C10orf53: variants seen among roughly 807,000 people sequenced by gnomAD.
The protein encoded by C10orf53 is chromosome 10 open reading frame 53.
In C10orf53, 8 loss-of-function variants were observed where a neutral mutation model predicts 9.4. The observed-to-expected ratio is 0.85, with a 90% confidence interval of 0.50 to 1.53. The LOEUF is 1.53. C10orf53 is among the 40% of genes most tolerant of loss of function. C10orf53 has a pLI of 0.00. For synonymous variants in C10orf53, 48 were observed against 46.0 expected, an observed-to-expected ratio of 1.04 and a Z score of -0.18; for missense variants, 117 against 117.8, an observed-to-expected ratio of 0.99 and a Z score of 0.03.
intron 1 of C10orf53, among the ~76,000 whole-genome samples, chr10:49,692,312 G>A (rs985349463): frequency 6.6e-6 from 1 of 152,238 alleles, no homozygotes; most frequent in African/African-American, 2.4e-5. Context: ...TACCCAGGGA[G>A]TGCTGTCTTG....
chr10:49,697,892 A>G (rs1354035563), downstream of C10orf53, among the ~76,000 whole-genome samples: 1 of 152,112 alleles, frequency 6.6e-6, no homozygotes, highest in Non-Finnish European at 1.5e-5. Flanking sequence ...AACTTTTTCC[A>G]TTTACTTCTA....
chr10:49,704,220 A>G (rs913099244), intron 2 of C10orf53, among the ~76,000 whole-genome samples: 6 of 152,256 alleles, frequency 3.9e-5, no homozygotes, highest in Non-Finnish European at 7.3e-5. Flanking sequence ...GTTTTTAAAA[A>G]CAAAGCAAAT....
At chr10:49,709,833 A>G (rs1434523046) in exon 3 of C10orf53, 1 of 152,346 alleles carries the variant, frequency 6.6e-6, no homozygotes, top group Non-Finnish European at 1.5e-5. Flanking sequence ...AGCAACTCCT[A>G]CCATAATCTT....
At chr10:49,692,265 C>T (rs1007927483) in intron 1 of C10orf53, among the ~76,000 whole-genome samples, 5 of 152,234 alleles carry the variant, frequency 3.3e-5, no homozygotes, top group Admixed American at 3.3e-4. Flanking sequence ...TTTAGAGACG[C>T]ATTAGCTGAC....
At chr10:49,687,997 G>C (rs1203121590) in intron 1 of C10orf53, among the ~76,000 whole-genome samples, 1 of 152,186 alleles carries the variant, frequency 6.6e-6, no homozygotes, top group Non-Finnish European at 1.5e-5. Context: ...CTGGAGTTTG[G>C]AAGAAAGATG....
rs372643300 is a variant in C10orf53, at chr10:49,696,982, C to T, written c.*2380C>T. ...CAAGGTGGGTGGATTTGTTTGAACA[C>T]AGGAGTTCGAGAGCAGCCTGGCCAA... On this transcript the variant is annotated 3_prime_UTR_variant, in exon 3 of 3. Coordinates refer to ENST00000374111, the MANE Select transcript of C10orf53 (RefSeq NM_001042427.3). Among the ~76,000 whole-genome samples the T allele has an allele frequency of 2.6e-5, 4 of 152,138 alleles. No individual in the cohort carries two copies. In the East Asian group the frequency reaches 7.7e-4, roughly 29 times the overall value.
chr10:49,694,789 G>T lies in C10orf53; in HGVS notation c.*187G>T. The T allele has an allele frequency of 7.2e-7, 1 of 1,398,586 alleles. No individual in the cohort carries two copies. The highest frequency in any genetic ancestry group is 9.3e-7 in the Non-Finnish European group (1 of 1,079,374). The allele number at this position is 1,398,586 out of a possible 1,614,324, so 86.6% of individuals were successfully genotyped here. The stretch of plus-strand genomic sequence containing the variant: ...TCACCTGGCTGCACAGGAGCCCACA[G>T]AAATAATAAAAACCACATCATTTAT... On this transcript the variant is annotated 3_prime_UTR_variant, in exon 3 of 3. Coordinates refer to ENST00000374111, the MANE Select transcript of C10orf53 (RefSeq NM_001042427.3).
At position 49,695,120 on chromosome 10, in the gene C10orf53, T is replaced by G. The variant is rs978137189; in HGVS notation, c.*518T>G. ...TCTGACTCCTGAGGGAATAAATATTTTAAATTGCTATTATAAAATTAGCCA... is the reference window on the plus strand; with the variant it reads ...TCTGACTCCTGAGGGAATAAATATTGTAAATTGCTATTATAAAATTAGCCA... On this transcript the variant is annotated 3_prime_UTR_variant, in exon 3 of 3. Transcript: ENST00000374111. 1.2e-5 allele frequency: 3 copies of G among 252,868 alleles called. No individual in the cohort carries two copies. The highest frequency in any genetic ancestry group is 1.9e-5 in the Non-Finnish European group (3 of 160,056). The allele number at this position is 252,868 out of a possible 1,614,324, so 15.7% of individuals were successfully genotyped here.
chr10:49,683,891 C>G (rs1316123503), intron 1 of C10orf53, among the ~76,000 whole-genome samples: 2 of 152,066 alleles, frequency 1.3e-5, no homozygotes, highest in Non-Finnish European at 2.9e-5. Context: ...GCAAAAGACT[C>G]TGTCTAAAAA....
intron 1 of C10orf53, among the ~76,000 whole-genome samples, chr10:49,682,525 A>C (rs1840488734): frequency 6.7e-6 from 1 of 149,850 alleles, no homozygotes; most frequent in South Asian, 2.1e-4. Flanking sequence ...AAATCTCCCA[A>C]AGCGTGGAGG....
chr10:49,708,436 G>A (rs753618197), exon 3 of C10orf53: 5 of 1,614,144 alleles, frequency 3.1e-6, no homozygotes, highest in Admixed American at 1.7e-5. Flanking sequence ...AGCAGCCCGT[G>A]TAGGATGAAA....
rs1249404101 is a variant in C10orf53 at position 49,696,921 on chromosome 10, A to G, written c.*2319A>G. Among the ~76,000 whole-genome samples, 1 of 152,216 alleles carries G rather than the reference A, an allele frequency of 6.6e-6. No individual in the cohort carries two copies. The highest frequency in any genetic ancestry group is 2.4e-5 in the African/African-American group (1 of 41,458). ...AAACTTAAAATCAGGGCCGGGCACTATGGCTTTTGCCTGTAATCCCAGCAC... is the reference window on the plus strand; with the variant it reads ...AAACTTAAAATCAGGGCCGGGCACTGTGGCTTTTGCCTGTAATCCCAGCAC... On this transcript the variant is annotated 3_prime_UTR_variant, in exon 3 of 3. Coordinates refer to ENST00000374111, the MANE Select transcript of C10orf53 (RefSeq NM_001042427.3).
At chr10:49,690,908 C>T (rs112155043) in intron 1 of C10orf53, among the ~76,000 whole-genome samples, 57 of 152,260 alleles carry the variant, frequency 3.7e-4, no homozygotes, top group African/African-American at 1.3e-3. Flanking sequence ...TTAAATCATT[C>T]GCAGATGCTG....
chr10:49,708,488 G>C, exon 3 of C10orf53: 1 of 1,614,144 alleles, frequency 6.2e-7, no homozygotes, highest in South Asian at 1.1e-5. Flanking sequence ...CCCAGGACCT[G>C]ACTTGTACTG....
rs1383786954 is a variant in C10orf53, at chr10:49,696,729, T to A, written c.*2127T>A. ...TCTGAATCAGCATTGCTGGGAAAAA[T>A]CACCGAGGTTTCCTCTGAGCAGTGG... On this transcript the variant is annotated 3_prime_UTR_variant, in exon 3 of 3. Coordinates refer to ENST00000374111, the MANE Select transcript of C10orf53 (RefSeq NM_001042427.3). Among the ~76,000 whole-genome samples the A allele has an allele frequency of 2.0e-5, 3 of 151,214 alleles. No homozygotes were observed. Among genetic ancestry groups the A allele is most frequent in the Non-Finnish European group, 2.9e-5 (2 of 67,932 alleles).
downstream of C10orf53, among the ~76,000 whole-genome samples, chr10:49,698,940 A>G (rs1840658794): frequency 6.6e-6 from 1 of 152,168 alleles, no homozygotes; most frequent in Non-Finnish European, 1.5e-5. Context: ...GCAGGCAGCT[A>G]GGCTAACAGC....
intron 1 of C10orf53, among the ~76,000 whole-genome samples, chr10:49,682,190 TTC>T (rs1248544019): frequency 3.3e-5 from 5 of 152,202 alleles, no homozygotes; most frequent in Admixed American, 2.0e-4. Flanking sequence ...ACCATCACTA[TTC>T]TCTCTTTTTA....
chr10:49,679,827 C>T (rs2132871958), intron 1 of C10orf53, 33 bp downstream of exon 1: 1 of 1,508,780 alleles, frequency 6.6e-7, no homozygotes. Flanking sequence ...CCCCTGAGGG[C>T]CCCAGCCTCT....
chr10:49,705,961 C>T (rs1840719592), intron 2 of C10orf53, among the ~76,000 whole-genome samples: 1 of 151,988 alleles, frequency 6.6e-6, no homozygotes, highest in Non-Finnish European at 1.5e-5. Flanking sequence ...ATGGGAAAAC[C>T]ATTTCTCCAA....
Sources: gnomAD v4.1 joint callset for allele counts (sites outside exome capture counted in the v4.1 genomes callset) on GRCh38, gnomAD v4.1.1 for gene constraint, MANE v1.5 for transcripts, NCBI Gene and HGNC (gene_info 2026-07-23, HGNC 2026-07-21) for gene names.